The following PRUNE2 variants were observed in gnomAD, a reference collection of about 807,000 sequenced individuals.
PRUNE2 encodes the protein protein prune homolog 2.
PRUNE2 carries 164 observed loss-of-function variants against 252.0 expected under a neutral mutation model. The observed-to-expected ratio is 0.65, with a 90% CI of 0.57 to 0.74. The LOEUF is 0.74. PRUNE2 is among the 30% of genes least tolerant of loss of function. PRUNE2 has a pLI of 0.00. For missense variants in PRUNE2, 3,495 were observed against 3,711.0 expected, an observed-to-expected ratio of 0.94 and a Z score of 1.51; for synonymous variants, 1,292 against 1,350.2, an observed-to-expected ratio of 0.96 and a Z score of 0.94.
chr9:76,894,888 T>C (rs1317117913), intron 1 of PRUNE2, among the ~76,000 whole-genome samples: 3 of 151,990 alleles, frequency 2.0e-5, no homozygotes, highest in East Asian at 3.9e-4. Context: ...TAGCTGGGCG[T>C]GATGGCGCTT....
intron 9 of PRUNE2, among the ~76,000 whole-genome samples, chr9:76,697,419 C>T (rs1376767943): frequency 6.6e-6 from 1 of 152,170 alleles, no homozygotes; most frequent in Non-Finnish European, 1.5e-5. Flanking sequence ...TGGCCTCCAA[C>T]CACTCGAGTT....
At chr9:76,774,453 T>TTTTTATTTATTTATTTA (rs1554761597) in intron 6 of PRUNE2, among the ~76,000 whole-genome samples, 42 of 122,196 alleles carry the variant, frequency 3.4e-4, no homozygotes, top group Non-Finnish European at 6.3e-4. Flanking sequence ...TTCAACCCTT[T>TTTTTATTTATTTATTTA]TTTTTTTTTT....
At chr9:76,723,122 G>A (rs561910576) in intron 6 of PRUNE2, among the ~76,000 whole-genome samples, 2 of 152,186 alleles carry the variant, frequency 1.3e-5, no homozygotes, top group Admixed American at 6.5e-5. Context: ...AGAACTGTAG[G>A]GTGACTGTTA....
At chr9:76,700,797 G>A (rs553629992) in intron 9 of PRUNE2, among the ~76,000 whole-genome samples, 3 of 152,094 alleles carry the variant, frequency 2.0e-5, no homozygotes, top group South Asian at 2.1e-4. Flanking sequence ...AAAGGCGCCC[G>A]AAACAGATAT....
At chr9:76,680,028 C>T (rs927699900) in intron 9 of PRUNE2, among the ~76,000 whole-genome samples, 1 of 152,140 alleles carries the variant, frequency 6.6e-6, no homozygotes, top group African/African-American at 2.4e-5. Context: ...AACTTAAAAC[C>T]TTCTGTGCAT....
chr9:76,682,012 G>A (rs2043492951), intron 9 of PRUNE2, among the ~76,000 whole-genome samples: 1 of 152,108 alleles, frequency 6.6e-6, no homozygotes, highest in Non-Finnish European at 1.5e-5. Context: ...AACTCTGAGA[G>A]TCATGGGAAG....
chr9:76,643,852 G>A (rs1843615453), intron 12 of PRUNE2, among the ~76,000 whole-genome samples: 1 of 152,120 alleles, frequency 6.6e-6, no homozygotes, highest in South Asian at 2.1e-4. Flanking sequence ...GAAAACAAAA[G>A]CAGTGTTTTG....
intron 2 of PRUNE2, 42 bp from the exon 3 acceptor site, chr9:76,850,707 A>T (rs758846515): frequency 7.1e-7 from 1 of 1,404,642 alleles, no homozygotes; most frequent in Non-Finnish European, 1.0e-6. Flanking sequence ...AAATAGCAGG[A>T]GGAAAGAATA....
At chr9:76,807,094 T>G (rs1342590561) in intron 6 of PRUNE2, among the ~76,000 whole-genome samples, 1 of 151,466 alleles carries the variant, frequency 6.6e-6, no homozygotes, top group African/African-American at 2.4e-5. Context: ...GACAGGGTCT[T>G]GCTTTGTTGC....
Position 76,860,985 on chromosome 9 carries a change from G to A in PRUNE2, c.37-6777C>T, listed in dbSNP as rs530212460. Among the ~76,000 whole-genome samples, 9 of 152,274 alleles carry A rather than the reference G, an allele frequency of 5.9e-5. No individual in the cohort carries two copies. In the South Asian group the frequency reaches 1.2e-3, roughly 21 times the overall value. On this transcript the variant is annotated intron_variant, in intron 1 of 18. Coordinates refer to ENST00000376718, the MANE Select transcript of PRUNE2 (RefSeq NM_015225.3). ...GACCCCAAACACCTGTGGCTGCCAC[G>A]ATTCTAAGTAAGAAGACTTCCAAGG...
intron 9 of PRUNE2, among the ~76,000 whole-genome samples, chr9:76,660,639 G>A (rs143264678): frequency 0.011 from 1,601 of 151,850 alleles, 38 homozygotes; most frequent in African/African-American, 0.036. Context: ...AAAATTAGCC[G>A]GGTGTGGTGG....
At chr9:76,886,186 AT>A (rs962184276) in intron 1 of PRUNE2, among the ~76,000 whole-genome samples, 3 of 151,306 alleles carry the variant, frequency 2.0e-5, no homozygotes, top group African/African-American at 7.3e-5. Flanking sequence ...CTCCGTCTAA[AT>A]TAAAAAAAAA....
intron 9 of PRUNE2, among the ~76,000 whole-genome samples, chr9:76,672,037 A>T (rs1480979711): frequency 6.6e-6 from 1 of 150,468 alleles, no homozygotes; most frequent in Non-Finnish European, 1.5e-5. Context: ...GACAGGATCA[A>T]ATTCACACAT....
intron 9 of PRUNE2, among the ~76,000 whole-genome samples, chr9:76,685,672 C>T (rs140780553): frequency 1.9e-4 from 29 of 152,234 alleles, no homozygotes; most frequent in Middle Eastern, 3.4e-3. Flanking sequence ...GAGAGAGAGG[C>T]CTCAGAAGAA....
intron 9 of PRUNE2, chr9:76,692,280 G>C (rs778234109): frequency 3.9e-5 from 25 of 637,880 alleles, no homozygotes; most frequent in Non-Finnish European, 4.5e-5. Flanking sequence ...GGCACAGCTG[G>C]GGCTGTGCTG....
chr9:76,752,084 TGTTTTTTTTTTG>T (rs2050657093), intron 6 of PRUNE2, among the ~76,000 whole-genome samples: 1 of 80,306 alleles, frequency 1.2e-5, no homozygotes, highest in Non-Finnish European at 2.3e-5. Context: ...ACTCAATTCC[TGTTTTTTTTTTG>T]GTTTTTTTTT....
At chr9:76,724,882 A>C (rs946702395) in intron 6 of PRUNE2, among the ~76,000 whole-genome samples, 1 of 152,196 alleles carries the variant, frequency 6.6e-6, no homozygotes, top group Admixed American at 6.5e-5. Flanking sequence ...TATGTTTATA[A>C]GGATTTCTAT....
chr9:76,618,246 C>T (rs1297475165), intron 18 of PRUNE2, among the ~76,000 whole-genome samples: 1 of 152,100 alleles, frequency 6.6e-6, no homozygotes, highest in Non-Finnish European at 1.5e-5. Flanking sequence ...AGTTTTTGTG[C>T]CTAAACTTCC....
At chr9:76,879,903 ATTTTTTTT>A (rs71354691) in intron 1 of PRUNE2, among the ~76,000 whole-genome samples, 3 of 31,006 alleles carry the variant, frequency 9.7e-5, no homozygotes, top group African/African-American at 5.4e-4. Context: ...ATATATATAT[ATTTTTTTT>A]TTTTTTTTTT....
Sources: gnomAD v4.1 joint callset for allele counts (sites outside exome capture counted in the v4.1 genomes callset) on GRCh38, gnomAD v4.1.1 for gene constraint, MANE v1.5 for transcripts, NCBI Gene and HGNC (gene_info 2026-07-23, HGNC 2026-07-21) for gene names.